The following CTNNA3 variants were observed in gnomAD, a reference collection of about 807,000 sequenced individuals.
The protein encoded by CTNNA3 is catenin alpha 3.
CTNNA3 carries 76 observed loss-of-function variants against 95.7 expected under a neutral mutation model. The ratio of observed to expected loss-of-function variants is 0.79; its 90% CI spans 0.66 to 0.96. The LOEUF (loss-of-function observed/expected upper bound fraction) is 0.96, where lower values mean the gene tolerates loss of function less well. CTNNA3 is among the 40% of genes least tolerant of loss of function. CTNNA3 has a pLI of 0.00. For missense variants in CTNNA3, 1,191 were observed against 1,089.8 expected (o/e 1.09, Z -1.31); for synonymous variants, 431 against 374.4 (o/e 1.15, Z -1.74).
chr10:66,231,936 A>C (rs2089609656), intron 13 of CTNNA3, among the ~76,000 whole-genome samples: 1 of 152,288 alleles, frequency 6.6e-6, no homozygotes, highest in East Asian at 1.9e-4. Context: ...AAACTATCTC[A>C]ATGCTATACT....
At chr10:67,379,243 C>T (rs1843819498) in intron 5 of CTNNA3, among the ~76,000 whole-genome samples, 1 of 152,066 alleles carries the variant, frequency 6.6e-6, no homozygotes, top group Admixed American at 6.6e-5. Flanking sequence ...GTGAAAATAG[C>T]ATAGAAGTAG....
chr10:66,578,207 G>A (rs182267245), intron 10 of CTNNA3, among the ~76,000 whole-genome samples: 1 of 152,136 alleles, frequency 6.6e-6, no homozygotes, highest in East Asian at 1.9e-4. Flanking sequence ...TCATTTATCA[G>A]TTCTAGAAGC....
chr10:66,620,123 A>G (rs1428847559), intron 10 of CTNNA3, among the ~76,000 whole-genome samples: 1 of 152,176 alleles, frequency 6.6e-6, no homozygotes, highest in Non-Finnish European at 1.5e-5. Flanking sequence ...ATAATGTGGG[A>G]AATATGTGAC....
chr10:66,978,508 T>TA (rs1298815500), intron 7 of CTNNA3, among the ~76,000 whole-genome samples: 2 of 79,746 alleles, frequency 2.5e-5, no homozygotes, highest in African/African-American at 8.6e-5. Context: ...GCCTGGATGA[T>TA]AGAGTGAGAC....
At chr10:66,847,427 A>G (rs1034670867) in intron 7 of CTNNA3, among the ~76,000 whole-genome samples, 18 of 152,206 alleles carry the variant, frequency 1.2e-4, no homozygotes, top group African/African-American at 4.3e-4. Flanking sequence ...TAAATACTCA[A>G]TGACCATCTA....
At chr10:67,008,918 ATGTT>A (rs1852165757) in intron 7 of CTNNA3, among the ~76,000 whole-genome samples, 1 of 152,160 alleles carries the variant, frequency 6.6e-6, no homozygotes, top group Non-Finnish European at 1.5e-5. Flanking sequence ...GGGCTTGAAA[ATGTT>A]TGTGCATTTG....
chr10:67,173,976 C>T (rs1862128754), intron 7 of CTNNA3, among the ~76,000 whole-genome samples: 1 of 152,146 alleles, frequency 6.6e-6, no homozygotes, highest in Non-Finnish European at 1.5e-5. Context: ...AGCTCTCTGG[C>T]CAAGAGGATG....
intron 7 of CTNNA3, among the ~76,000 whole-genome samples, chr10:66,960,354 G>C (rs773094717): frequency 1.4e-4 from 22 of 152,096 alleles, no homozygotes; most frequent in Non-Finnish European, 2.8e-4. Context: ...TTATAAGCTT[G>C]ACTACACATC....
intron 13 of CTNNA3, among the ~76,000 whole-genome samples, chr10:66,159,469 TG>T (rs1425292378): frequency 6.6e-6 from 1 of 152,150 alleles, no homozygotes; most frequent in African/African-American, 2.4e-5. Flanking sequence ...TTTATTGACT[TG>T]CATATGTTAC....
chr10:67,641,041 A>C (rs1481304273), intron 2 of CTNNA3, among the ~76,000 whole-genome samples: 1 of 152,226 alleles, frequency 6.6e-6, no homozygotes, highest in Non-Finnish European at 1.5e-5. Context: ...CGCACAGCAA[A>C]AGAAACTACC....
At chr10:67,416,019 T>C (rs1450089262) in intron 5 of CTNNA3, among the ~76,000 whole-genome samples, 1 of 152,180 alleles carries the variant, frequency 6.6e-6, no homozygotes, top group East Asian at 1.9e-4. Context: ...AACATTTAAA[T>C]GTAAATCCTC....
At chr10:66,503,475 A>ATTT (rs71466884) in intron 11 of CTNNA3, among the ~76,000 whole-genome samples, 214 of 149,392 alleles carry the variant, frequency 1.4e-3, no homozygotes, top group African/African-American at 4.5e-3. Context: ...CCAAAAACAG[A>ATTT]TTTTTTTTTT....
chr10:67,242,857 A>C (rs1865767771), intron 5 of CTNNA3, among the ~76,000 whole-genome samples: 1 of 152,232 alleles, frequency 6.6e-6, no homozygotes, highest in Admixed American at 6.5e-5. Context: ...AAACACTCCA[A>C]TAGCAGGAGA....
intron 7 of CTNNA3, among the ~76,000 whole-genome samples, chr10:66,943,688 A>C (rs957101317): frequency 6.6e-5 from 10 of 152,160 alleles, no homozygotes; most frequent in Admixed American, 2.0e-4. Flanking sequence ...TTTGTACAGC[A>C]GGGGAAAACA....
intron 13 of CTNNA3, among the ~76,000 whole-genome samples, chr10:66,160,184 T>C (rs1589595471): frequency 6.6e-6 from 1 of 152,212 alleles, no homozygotes; most frequent in East Asian, 1.9e-4. Flanking sequence ...CATTTAGTTC[T>C]GCTTGGAACT....
At chr10:66,589,222 C>G (rs567734766) in intron 10 of CTNNA3, among the ~76,000 whole-genome samples, 3 of 151,398 alleles carry the variant, frequency 2.0e-5, no homozygotes, top group Non-Finnish European at 2.9e-5. Context: ...CACATCACAT[C>G]CAGAGAGAGG....
At chr10:67,132,142 A>T (rs1182839989) in intron 7 of CTNNA3, among the ~76,000 whole-genome samples, 1 of 152,158 alleles carries the variant, frequency 6.6e-6, no homozygotes, top group Admixed American at 6.6e-5. Context: ...GGCCAATAGG[A>T]TACAGCATTT....
rs1841398609 is a variant in CTNNA3, at chr10:67,750,255, G to A, written c.-2+13179C>T. 2.0e-6 allele frequency: 3 copies of A among 1,492,784 alleles called. No homozygotes were observed. In the Admixed American group the frequency reaches 5.0e-5, roughly 25 times the overall value. The allele number at this position is 1,492,784 out of a possible 1,614,324, so 92.5% of individuals were successfully genotyped here. ...CACAGCAGGACGTGAGACTTCTAGT[G>A]CTCACTCAGAATCATTTCTGCACCA... On this transcript the variant is annotated intron_variant, in intron 1 of 17. Coordinates refer to the CTNNA3 transcript ENST00000684154.
intron 7 of CTNNA3, among the ~76,000 whole-genome samples, chr10:67,119,246 G>A (rs1859347666): frequency 6.6e-6 from 1 of 151,794 alleles, no homozygotes; most frequent in African/African-American, 2.4e-5. Context: ...ATGTCCACCT[G>A]CAAATTTCAG....
Sources: allele counts gnomAD v4.1 joint callset (sites outside exome capture counted in the v4.1 genomes callset), GRCh38; gene constraint gnomAD v4.1.1; transcripts MANE v1.5; gene names NCBI Gene and HGNC (gene_info 2026-07-23, HGNC 2026-07-21).